Variants in LRP1B observed in about 807,000 individuals in gnomAD.
The protein encoded by LRP1B is LDL receptor related protein 1B.
A neutral mutation model predicts 556.6 loss-of-function variants in LRP1B; 217 were observed. The observed-to-expected ratio is 0.39, with a 90% CI of 0.35 to 0.44. The LOEUF (loss-of-function observed/expected upper bound fraction) is 0.44, where lower values mean the gene tolerates loss of function less well. LRP1B is among the 20% of genes least tolerant of loss of function. The probability of loss-of-function intolerance (pLI) is 1.00; values close to 1 mark genes in which losing one functional copy is unlikely to be tolerated. For synonymous variants in LRP1B, 2,047 were observed against 1,865.8 expected (o/e 1.10, Z -2.50); for missense variants, 5,053 against 5,620.8 (o/e 0.90, Z 3.23).
At chr2:140,700,114 G>A (rs901502269) in intron 41 of LRP1B, 136 bp downstream of exon 41, 1 of 777,998 alleles carries the variant, frequency 1.3e-6, no homozygotes, top group East Asian at 2.7e-5. Context: ...GTGAGGGTTA[G>A]ATGATATAGT....
At chr2:141,760,346 G>T (rs1164570568) in intron 2 of LRP1B, among the ~76,000 whole-genome samples, 1 of 152,022 alleles carries the variant, frequency 6.6e-6, no homozygotes, top group East Asian at 1.9e-4. Flanking sequence ...TCTTCATTAG[G>T]ATTCATCTTA....
chr2:141,052,856 T>C (rs940013830), intron 10 of LRP1B, among the ~76,000 whole-genome samples: 1 of 151,978 alleles, frequency 6.6e-6, no homozygotes, highest in Non-Finnish European at 1.5e-5. Context: ...CAGGCTCTTA[T>C]TGAAATCCTG....
At chr2:141,431,142 A>AAAAT (rs36102221) in intron 3 of LRP1B, among the ~76,000 whole-genome samples, 6,707 of 148,232 alleles carry the variant, frequency 0.045, 214 homozygotes, top group Non-Finnish European at 0.063. Flanking sequence ...TCAAAAAATC[A>AAAAT]AAATAAATAA....
chr2:140,313,766 A>AT (rs1299328577), intron 83 of LRP1B, among the ~76,000 whole-genome samples: 1 of 151,816 alleles, frequency 6.6e-6, no homozygotes, highest in Non-Finnish European at 1.5e-5. Flanking sequence ...CAGTACTACA[A>AT]TTTTTTCTGT....
chr2:141,948,668 C>A (rs1701023771), intron 1 of LRP1B, among the ~76,000 whole-genome samples: 1 of 151,832 alleles, frequency 6.6e-6, no homozygotes, highest in Non-Finnish European at 1.5e-5. Flanking sequence ...GTATAAAATA[C>A]TAGTTATAAA....
intron 71 of LRP1B, among the ~76,000 whole-genome samples, chr2:140,370,011 T>C (rs1682924833): frequency 6.6e-6 from 1 of 152,022 alleles, no homozygotes; most frequent in Non-Finnish European, 1.5e-5. Flanking sequence ...CAAACATGGA[T>C]TAATTTGTGA....
intron 1 of LRP1B, among the ~76,000 whole-genome samples, chr2:141,944,142 A>T (rs1284634482): frequency 3.3e-5 from 5 of 152,138 alleles, no homozygotes; most frequent in African/African-American, 9.7e-5. Context: ...ACAATGACAG[A>T]TCAAAGGAGG....
At chr2:141,292,964 T>A (rs1686034726) in intron 3 of LRP1B, among the ~76,000 whole-genome samples, 1 of 152,164 alleles carries the variant, frequency 6.6e-6, no homozygotes, top group South Asian at 2.1e-4. Flanking sequence ...ATATAAGATG[T>A]CAATAGTAGG....
chr2:141,564,185 G>A (rs1415791809), intron 2 of LRP1B, among the ~76,000 whole-genome samples: 2 of 152,026 alleles, frequency 1.3e-5, no homozygotes, highest in Non-Finnish European at 2.9e-5. Context: ...AAAGATTCTA[G>A]TACATAATCA....
chr2:140,415,563 T>C (rs1466374330), intron 66 of LRP1B, among the ~76,000 whole-genome samples: 2 of 152,162 alleles, frequency 1.3e-5, no homozygotes, highest in Non-Finnish European at 2.9e-5. Flanking sequence ...CCAACACTTA[T>C]GGAAAATAGA....
At chr2:140,843,782 C>A (rs998808468) in intron 29 of LRP1B, among the ~76,000 whole-genome samples, 1 of 152,064 alleles carries the variant, frequency 6.6e-6, no homozygotes, top group Non-Finnish European at 1.5e-5. Context: ...AGAACCGTAC[C>A]TGGTCAATCT....
chr2:141,088,057 G>T (rs768600079), intron 7 of LRP1B, among the ~76,000 whole-genome samples: 1 of 152,052 alleles, frequency 6.6e-6, no homozygotes, highest in Non-Finnish European at 1.5e-5. Flanking sequence ...TGCTTTCCTG[G>T]TAGGGGGAAG....
chr2:141,536,816 G>A (rs1685084458), intron 2 of LRP1B, among the ~76,000 whole-genome samples: 1 of 152,020 alleles, frequency 6.6e-6, no homozygotes, highest in African/African-American at 2.4e-5. Flanking sequence ...AAGAATGTGA[G>A]TAAATTATGA....
chr2:141,510,113 C>A (rs1209675310), intron 2 of LRP1B, among the ~76,000 whole-genome samples: 1 of 149,934 alleles, frequency 6.7e-6, no homozygotes, highest in Admixed American at 6.7e-5. Context: ...GAAATCTCAA[C>A]CATAAAGCAA....
Position 140,256,013 on chromosome 2 carries a change from C to T in LRP1B, c.13248-8851G>A, listed in dbSNP as rs148112261. 2.5e-3 allele frequency among the ~76,000 whole-genome samples: 384 copies of T among 152,026 alleles called. 3 individuals are homozygous for T. Among genetic ancestry groups the T allele is most frequent in the African/African-American group, 8.8e-3 (366 of 41,468 alleles). Reference sequence around the variant, plus strand: ...ATTGTGTATCATTCAGTTCTTGTCCCAGGATAACAAAAATTTAATTACAGA... The same window carrying T: ...ATTGTGTATCATTCAGTTCTTGTCCTAGGATAACAAAAATTTAATTACAGA... On this transcript the variant is annotated intron_variant, in intron 86 of 90. Coordinates refer to ENST00000389484, the MANE Select transcript of LRP1B (RefSeq NM_018557.3).
At chr2:140,586,418 G>T (rs1304515104) in intron 43 of LRP1B, among the ~76,000 whole-genome samples, 5 of 152,180 alleles carry the variant, frequency 3.3e-5, no homozygotes, top group Non-Finnish European at 4.4e-5. Flanking sequence ...CTTTACTATA[G>T]CCAGCCACCA....
intron 2 of LRP1B, among the ~76,000 whole-genome samples, chr2:141,603,319 C>G (rs1311287864): frequency 3.3e-5 from 5 of 152,132 alleles, no homozygotes; most frequent in Non-Finnish European, 5.9e-5. Context: ...ACAGTAGGCT[C>G]AGTTGAATAT....
chr2:140,353,460 T>C (rs1169434058), intron 75 of LRP1B, among the ~76,000 whole-genome samples: 1 of 152,100 alleles, frequency 6.6e-6, no homozygotes, highest in Non-Finnish European at 1.5e-5. Context: ...AGATTTCCAT[T>C]CACGCAAATA....
At chr2:141,637,450 G>C (rs906210745) in intron 2 of LRP1B, among the ~76,000 whole-genome samples, 1 of 152,174 alleles carries the variant, frequency 6.6e-6, no homozygotes, top group South Asian at 2.1e-4. Context: ...GGCCAGCAAA[G>C]GGTCTAGTTC....
Sources: gnomAD v4.1 joint callset for allele counts (sites outside exome capture counted in the v4.1 genomes callset) on GRCh38, gnomAD v4.1.1 for gene constraint, MANE v1.5 for transcripts, NCBI Gene and HGNC (gene_info 2026-07-23, HGNC 2026-07-21) for gene names.